Variants in SUCLG2 observed in about 807,000 individuals in gnomAD.
The protein encoded by SUCLG2 is succinate-CoA ligase GDP-forming subunit beta.
In SUCLG2, 42 loss-of-function variants were observed where a neutral mutation model predicts 47.9. The ratio of observed to expected loss-of-function variants is 0.88; its 90% CI spans 0.69 to 1.14. The LOEUF (loss-of-function observed/expected upper bound fraction) is 1.14. SUCLG2 is among the 50% of genes most tolerant of loss of function. SUCLG2 has a pLI of 0.00. For missense variants in SUCLG2, 571 were observed against 525.9 expected (o/e 1.09, Z -0.84); for synonymous variants, 195 against 197.3 (o/e 0.99, Z 0.10).
intron 2 of SUCLG2, among the ~76,000 whole-genome samples, chr3:67,586,226 G>C (rs1708016329): frequency 6.6e-6 from 1 of 152,174 alleles, no homozygotes; most frequent in African/African-American, 2.4e-5. Context: ...CAGAGATCAA[G>C]TGAGGCTCCT....
chr3:67,372,826 T>C (rs1005457789), downstream of SUCLG2, among the ~76,000 whole-genome samples: 2 of 152,180 alleles, frequency 1.3e-5, no homozygotes, highest in Non-Finnish European at 1.5e-5. Flanking sequence ...ATGTTGTATT[T>C]TTTTATTTAT....
At position 67,451,683 on chromosome 3, in the gene SUCLG2, C is replaced by T. The variant is rs374951466; in HGVS notation, c.1062+44115G>A. Among the ~76,000 whole-genome samples the T allele has an allele frequency of 6.4e-4, 98 of 151,946 alleles. 1 individual carries two copies. Among genetic ancestry groups the T allele is most frequent in the African/African-American group, 5.3e-4 (22 of 41,426 alleles). On this transcript the variant is annotated intron_variant, in intron 9 of 10. Transcript: ENST00000307227. Reference sequence around the variant, plus strand: ...CTTTTTACTTCTGGTGGGGGTGGGGCGGCAATTATAGTTGGAGTTAATTTT... The same window carrying T: ...CTTTTTACTTCTGGTGGGGGTGGGGTGGCAATTATAGTTGGAGTTAATTTT...
intron 9 of SUCLG2, among the ~76,000 whole-genome samples, chr3:67,473,246 C>A (rs1704649055): frequency 6.6e-6 from 1 of 152,060 alleles, no homozygotes; most frequent in Non-Finnish European, 1.5e-5. Context: ...CTGGTGTGAT[C>A]TCAGCCCACT....
Position 67,649,250 on chromosome 3 carries a change from C to T in SUCLG2, c.84+5253G>A, listed in dbSNP as rs935733. 5.1e-3 allele frequency among the ~76,000 whole-genome samples: 773 copies of T among 152,280 alleles called. 11 individuals are homozygous for T. The highest frequency in any genetic ancestry group is 0.048 in the East Asian group (247 of 5,186). The stretch of plus-strand genomic sequence containing the variant: ...AAGAACACAGCTCAATTGCAGTACC[C>T]ACTATGTTTTAGTATAACTACAGGT... On this transcript the variant is annotated intron_variant, in intron 1 of 10. Coordinates refer to ENST00000307227, the MANE Select transcript of SUCLG2 (RefSeq NM_003848.4).
chr3:67,393,825 T>G (rs552742070), intron 10 of SUCLG2, among the ~76,000 whole-genome samples: 2 of 152,034 alleles, frequency 1.3e-5, no homozygotes, highest in Admixed American at 6.6e-5. Flanking sequence ...GAGACAAAAC[T>G]TCCAGAGGAA....
chr3:67,528,988 T>A (rs2634731), intron 3 of SUCLG2, 99 bp downstream of exon 3: 75,873 of 997,664 alleles, frequency 0.076, 4,893 homozygotes, highest in East Asian at 0.24. Flanking sequence ...GGCCCGCTCC[T>A]ACCCCACCAC....
At chr3:67,574,147 A>T (rs1290610467) in intron 2 of SUCLG2, among the ~76,000 whole-genome samples, 3 of 152,008 alleles carry the variant, frequency 2.0e-5, no homozygotes, top group Admixed American at 2.0e-4. Context: ...TCCTCCTTTC[A>T]TCTCTCATCT....
rs1706679174 is a variant in SUCLG2 at position 67,540,677 on chromosome 3, A to G, written c.227-11491T>C. On this transcript the variant is annotated intron_variant, in intron 2 of 10. Transcript: ENST00000307227. ...CTCTGAATAGAGCAGTGGATCTCCC[A>G]GCACACTGCTGGAGCTGTGCTAAGG... is the stretch of plus-strand genomic sequence containing the variant. Among the ~76,000 whole-genome samples, 3 of 152,204 alleles carry G rather than the reference A, an allele frequency of 2.0e-5. No individual in the cohort carries two copies. In the South Asian group the frequency reaches 6.2e-4, roughly 31 times the overall value.
chr3:67,381,234 C>G (rs1189591648), intron 10 of SUCLG2, among the ~76,000 whole-genome samples: 2 of 151,748 alleles, frequency 1.3e-5, no homozygotes, highest in African/African-American at 4.8e-5. Context: ...AAAAGTAAAA[C>G]AGCAGAGAGT....
In SUCLG2 at chr3:67,538,303, C is replaced by T. The variant is rs145481047; in HGVS notation, c.227-9117G>A. Among the ~76,000 whole-genome samples, 1,061 of 152,250 alleles carry T rather than the reference C, an allele frequency of 7.0e-3. 8 individuals are homozygous for T. Among genetic ancestry groups the T allele is most frequent in the African/African-American group, 0.024 (1,017 of 41,514 alleles). On this transcript the variant is annotated intron_variant, in intron 2 of 10. Coordinates refer to ENST00000307227, the MANE Select transcript of SUCLG2 (RefSeq NM_003848.4). ...TTCTGCATATGGCTTACCAATTTTC[C>T]CAACACCCTTTAGGAAGAGGGAATT...
intron 2 of SUCLG2, among the ~76,000 whole-genome samples, chr3:67,603,053 T>C (rs964021924): frequency 1.3e-5 from 2 of 152,178 alleles, no homozygotes; most frequent in South Asian, 2.1e-4. Flanking sequence ...AGAAAGCAGA[T>C]ACCGCTTCAA....
chr3:67,395,587 T>C (rs1198387301), intron 10 of SUCLG2, among the ~76,000 whole-genome samples: 5 of 152,096 alleles, frequency 3.3e-5, no homozygotes, highest in Non-Finnish European at 7.4e-5. Context: ...CTTTAACACC[T>C]CACTGTCAAC....
intron 2 of SUCLG2, among the ~76,000 whole-genome samples, chr3:67,551,598 G>C (rs528144349): frequency 2.0e-3 from 302 of 152,314 alleles, no homozygotes; most frequent in African/African-American, 6.8e-3. Context: ...GGCAGCCTGG[G>C]AGGGAGGGAA....
At chr3:67,376,056 A>C in intron 10 of SUCLG2, 197 bp from the exon 11 acceptor site, 1 of 985,512 alleles carries the variant, frequency 1.0e-6, no homozygotes, top group African/African-American at 1.7e-5. Context: ...CTAGAAAAGA[A>C]GATGAAAGCA....
intron 9 of SUCLG2, among the ~76,000 whole-genome samples, chr3:67,424,312 C>A (rs1285123991): frequency 6.6e-6 from 1 of 152,202 alleles, no homozygotes; most frequent in Non-Finnish European, 1.5e-5. Flanking sequence ...CTTTCTCTCA[C>A]AAACCGGATT....
intron 7 of SUCLG2, 97 bp downstream of exon 7, chr3:67,508,710 T>C (rs1291249623): frequency 1.1e-6 from 1 of 904,522 alleles, no homozygotes; most frequent in Non-Finnish European, 1.7e-6. Flanking sequence ...GAAAGAAATT[T>C]ATGCAAAGCT....
Position 67,631,858 on chromosome 3 carries a change from T to A in SUCLG2, c.85-22262A>T, listed in dbSNP as rs143359999. ...ACAGACCTGGTGCTTCTTTAGTATT[T>A]GTTGAATGATAATTAATTAATTAGA... On this transcript the variant is annotated intron_variant, in intron 1 of 10. Coordinates refer to ENST00000307227, the MANE Select transcript of SUCLG2 (RefSeq NM_003848.4). Among the ~76,000 whole-genome samples the A allele has an allele frequency of 4.2e-3, 637 of 152,276 alleles. 1 individual carries two copies. The highest frequency in any genetic ancestry group is 0.014 in the African/African-American group (584 of 41,556).
chr3:67,398,688 T>C (rs1702609089), intron 10 of SUCLG2, among the ~76,000 whole-genome samples: 1 of 152,194 alleles, frequency 6.6e-6, no homozygotes, highest in South Asian at 2.1e-4. Flanking sequence ...CCCAAAGGAC[T>C]ATAAATCATG....
intron 10 of SUCLG2, among the ~76,000 whole-genome samples, chr3:67,396,402 A>G (rs1442177192): frequency 7.2e-5 from 11 of 152,140 alleles, no homozygotes; most frequent in African/African-American, 2.2e-4. Flanking sequence ...ACCTCTACGC[A>G]AATAAACTAG....
Sources: gnomAD v4.1 joint callset for allele counts (sites outside exome capture counted in the v4.1 genomes callset) on GRCh38, gnomAD v4.1.1 for gene constraint, MANE v1.5 for transcripts, NCBI Gene and HGNC (gene_info 2026-07-23, HGNC 2026-07-21) for gene names.